FXR1: variants seen among roughly 807,000 people sequenced by gnomAD.
FXR1 encodes the protein RNA-binding protein FXR1.
FXR1 carries 15 observed loss-of-function variants against 84.0 expected under a neutral mutation model. That is an observed-to-expected ratio of 0.18 (90% CI 0.12 to 0.27). The LOEUF (loss-of-function observed/expected upper bound fraction) is 0.27, where lower values mean the gene tolerates loss of function less well. FXR1 is among the 10% of genes least tolerant of loss of function. FXR1 has a pLI of 1.00. For synonymous variants in FXR1, 245 were observed against 250.7 expected (o/e 0.98, Z 0.21); for missense variants, 480 against 774.4 (o/e 0.62, Z 4.51).
chr3:180,962,170 A>G (rs1049633369), intron 11 of FXR1, among the ~76,000 whole-genome samples: 2 of 152,216 alleles, frequency 1.3e-5, no homozygotes, highest in Non-Finnish European at 2.9e-5. Context: ...TTTTTAAAGT[A>G]TAATAATATC....
intron 1 of FXR1, among the ~76,000 whole-genome samples, chr3:180,931,853 G>A (rs370769456): frequency 1.4e-5 from 2 of 143,658 alleles, no homozygotes; most frequent in African/African-American, 5.2e-5. Flanking sequence ...TGATCCTCCC[G>A]CCTCAGCCTT....
chr3:180,918,898 C>G (rs188609654), intron 1 of FXR1, among the ~76,000 whole-genome samples: 1 of 152,298 alleles, frequency 6.6e-6, no homozygotes, highest in Admixed American at 6.5e-5. Context: ...TTTGAGAATA[C>G]TGAGGCTAAG....
intron 3 of FXR1, among the ~76,000 whole-genome samples, chr3:180,944,518 A>G (rs1721486903): frequency 6.6e-6 from 1 of 151,606 alleles, no homozygotes; most frequent in Non-Finnish European, 1.5e-5. Context: ...ATAGAGACGA[A>G]ATCTTCCTGT....
intron 1 of FXR1, among the ~76,000 whole-genome samples, chr3:180,913,224 A>C (rs561546441): frequency 4.3e-4 from 65 of 152,138 alleles, no homozygotes; most frequent in African/African-American, 1.5e-3. Flanking sequence ...TTTGGAATTC[A>C]CCCTTGTATT....
chr3:180,964,405 C>T (rs1029942562), intron 13 of FXR1, among the ~76,000 whole-genome samples: 3 of 151,802 alleles, frequency 2.0e-5, no homozygotes, highest in East Asian at 1.9e-4. Context: ...TGTGGGAAGT[C>T]GGCTTATTGA....
At chr3:180,920,442 C>T (rs555147405) in intron 1 of FXR1, among the ~76,000 whole-genome samples, 1 of 151,332 alleles carries the variant, frequency 6.6e-6, no homozygotes, top group African/African-American at 2.4e-5. Context: ...GATATTGTCA[C>T]AAAACTTTAT....
intron 3 of FXR1, among the ~76,000 whole-genome samples, chr3:180,936,158 C>T (rs566166333): frequency 6.6e-5 from 10 of 150,720 alleles, no homozygotes; most frequent in African/African-American, 2.2e-4. Context: ...CCCCAAAATG[C>T]TGGGATTACA....
intron 1 of FXR1, among the ~76,000 whole-genome samples, chr3:180,920,672 C>T (rs1170857443): frequency 3.3e-5 from 5 of 152,040 alleles, no homozygotes; most frequent in Admixed American, 6.6e-5. Context: ...CCACCACGCC[C>T]GGCTAATTTT....
Position 180,933,361 on chromosome 3 carries a change from T to A in FXR1, c.79T>A (p.Ser27Thr), listed in dbSNP as rs567069344. 1.3e-6 allele frequency: 2 copies of A among 1,576,438 alleles called. No homozygotes were observed. The highest frequency in any genetic ancestry group is 2.2e-5 in the East Asian group (1 of 44,650). Residue 27 changes from serine (S) to threonine (T), a missense_variant, in exon 2 of 17, where the codon TCC becomes ACC. This residue lies in a region of FXR1 where 54 missense variants were observed against 74.2 expected (regional missense o/e 0.73). Transcript: ENST00000357559. ...ATTTATCAAAGATGTTCATGAAGAC[T>A]CCCTTACAGTTGTTTTTGAAAATAA... is the stretch of plus-strand genomic sequence containing the variant. ...KGFIKDVHED[S>T]LTVVFENNWQ...
At chr3:180,963,852 G>A (rs1421731534) in intron 13 of FXR1, among the ~76,000 whole-genome samples, 2 of 151,636 alleles carry the variant, frequency 1.3e-5, no homozygotes, top group Non-Finnish European at 2.9e-5. Flanking sequence ...TCTTAGCAGT[G>A]ACCTGATTTG....
rs1177916111 is a variant in FXR1, at chr3:180,968,037, T to C, written c.1199-14T>C. On this transcript the variant is annotated splice_polypyrimidine_tract_variant and intron_variant, in intron 13 of 16. Transcript: ENST00000357559. Reference sequence around the variant, plus strand: ...ATAGAAATCTAAGTGGTTTATGTTCTTTTCTTTTCCAAGGTACAAATTCTG... The same window carrying C: ...ATAGAAATCTAAGTGGTTTATGTTCCTTTCTTTTCCAAGGTACAAATTCTG... 2 of 1,566,646 alleles carry C rather than the reference T, an allele frequency of 1.3e-6. No individual in the cohort carries two copies. The highest frequency in any genetic ancestry group is 1.8e-6 in the Non-Finnish European group (2 of 1,137,700).
chr3:180,924,116 G>T (rs570620489), intron 1 of FXR1, among the ~76,000 whole-genome samples: 52 of 152,070 alleles, frequency 3.4e-4, no homozygotes, highest in Non-Finnish European at 6.3e-4. Flanking sequence ...GTACCACCAT[G>T]CCGAGCTAAT....
chr3:180,976,061 T>C (rs1282004243), intron 16 of FXR1, 61 bp from the exon 17 acceptor site: 3 of 1,322,000 alleles, frequency 2.3e-6, no homozygotes, highest in East Asian at 4.7e-5. Context: ...TGTAGCTGTT[T>C]TCCTCCTCAG....
intron 1 of FXR1, among the ~76,000 whole-genome samples, chr3:180,917,671 G>C (rs185515940): frequency 1.3e-5 from 2 of 152,090 alleles, no homozygotes; most frequent in Admixed American, 1.3e-4. Context: ...AACTTAGGCC[G>C]GGCGCCGTGG....
intron 1 of FXR1, among the ~76,000 whole-genome samples, chr3:180,918,804 A>T (rs1187767891): frequency 1.3e-5 from 2 of 152,230 alleles, no homozygotes; most frequent in African/African-American, 4.8e-5. Context: ...TTGAGTACCC[A>T]GACTACTTAC....
intron 3 of FXR1, among the ~76,000 whole-genome samples, chr3:180,938,272 G>A (rs576223012): frequency 1.3e-5 from 2 of 152,242 alleles, no homozygotes; most frequent in South Asian, 2.1e-4. Context: ...CTCCAAAAAT[G>A]TCTTCAGAAT....
At chr3:180,941,846 T>G (rs1455286575) in intron 3 of FXR1, among the ~76,000 whole-genome samples, 1 of 152,176 alleles carries the variant, frequency 6.6e-6, no homozygotes, top group African/African-American at 2.4e-5. Flanking sequence ...ATTCCAGATG[T>G]TAAACTTTTC....
intron 2 of FXR1, among the ~76,000 whole-genome samples, chr3:180,934,370 G>A (rs1720290798): frequency 6.6e-6 from 1 of 152,298 alleles, no homozygotes; most frequent in Non-Finnish European, 1.5e-5. Flanking sequence ...TTATGTCATA[G>A]TATACTTCCC....
chr3:180,932,074 T>TTAAAAAAAAA (rs757750985), intron 1 of FXR1, among the ~76,000 whole-genome samples: 4 of 4,906 alleles, frequency 8.2e-4, no homozygotes, highest in African/African-American at 1.4e-3. Context: ...TTTGTAAGTT[T>TTAAAAAAAAA]CAAAAAAAAA....
Sources: allele counts gnomAD v4.1 joint callset (sites outside exome capture counted in the v4.1 genomes callset), GRCh38; gene constraint gnomAD v4.1.1; regional missense constraint gnomAD v4.1.1; transcripts MANE v1.5; gene names NCBI Gene and HGNC (gene_info 2026-07-23, HGNC 2026-07-21).